Variants in AFG2A observed in about 807,000 individuals in gnomAD.
The protein encoded by AFG2A is ATPase family gene 2 protein homolog A.
chr4:123,178,512 A>G, the AFG2A span, among the ~76,000 whole-genome samples: 3 of 152,310 alleles, frequency 2.0e-5, no homozygotes, highest in African/African-American at 7.2e-5. Context: ...CATGTTATGA[A>G]ATCTGTATAT....
chr4:123,132,652 T>C, the AFG2A span, among the ~76,000 whole-genome samples: 2 of 146,138 alleles, frequency 1.4e-5, no homozygotes, highest in African/African-American at 4.9e-5. Context: ...ACACATCACA[T>C]TTTCTTTATT....
the AFG2A span, among the ~76,000 whole-genome samples, chr4:123,181,263 T>C: frequency 3.0e-4 from 46 of 151,544 alleles, no homozygotes; most frequent in Admixed American, 2.5e-3. Flanking sequence ...GGATTACAGG[T>C]GTGAGCCACT....
At chr4:123,206,366 G>A in the AFG2A span, among the ~76,000 whole-genome samples, 2,262 of 152,074 alleles carry the variant, frequency 0.015, 50 homozygotes, top group South Asian at 0.1. Flanking sequence ...TGTTAACCAC[G>A]GAGACTCTGT....
At chr4:123,094,802 G>T in the AFG2A span, among the ~76,000 whole-genome samples, 1 of 151,580 alleles carries the variant, frequency 6.6e-6, no homozygotes, top group Non-Finnish European at 1.5e-5. Context: ...AGTCTACCAC[G>T]AACAGTTTTC....
At chr4:123,242,810 G>A in the AFG2A span, among the ~76,000 whole-genome samples, 4 of 152,082 alleles carry the variant, frequency 2.6e-5, no homozygotes, top group African/African-American at 9.7e-5. Flanking sequence ...GAGTGAATAG[G>A]CAACCTACAG....
At chr4:123,003,838 C>G in the AFG2A span, among the ~76,000 whole-genome samples, 2 of 152,164 alleles carry the variant, frequency 1.3e-5, no homozygotes, top group African/African-American at 4.8e-5. Context: ...GTCCTGAAAG[C>G]TGTCAGACAG....
the AFG2A span, among the ~76,000 whole-genome samples, chr4:123,066,043 C>A: frequency 6.6e-6 from 1 of 152,122 alleles, no homozygotes; most frequent in East Asian, 1.9e-4. Flanking sequence ...ATATTAATAA[C>A]TGCTTCTCCT....
chr4:122,973,989 A>G, the AFG2A span, among the ~76,000 whole-genome samples: 9 of 151,882 alleles, frequency 5.9e-5, no homozygotes, highest in African/African-American at 7.3e-5. Flanking sequence ...GTACTTTACT[A>G]TTTTTTAACT....
At chr4:123,080,066 T>C in the AFG2A span, among the ~76,000 whole-genome samples, 1 of 152,280 alleles carries the variant, frequency 6.6e-6, no homozygotes, top group South Asian at 2.1e-4. Flanking sequence ...ACCTTCTTGA[T>C]ACACTATCCC....
At chr4:123,183,705 A>T in the AFG2A span, among the ~76,000 whole-genome samples, 6 of 152,040 alleles carry the variant, frequency 3.9e-5, no homozygotes, top group Admixed American at 2.6e-4. Flanking sequence ...AGAGTATAAA[A>T]TTTTTTTATG....
At chr4:123,263,189 G>A in the AFG2A span, among the ~76,000 whole-genome samples, 1 of 152,162 alleles carries the variant, frequency 6.6e-6, no homozygotes, top group Non-Finnish European at 1.5e-5. Flanking sequence ...TGTGGCATTT[G>A]TGTCCAAAGC....
chr4:123,172,286 A>G, the AFG2A span, among the ~76,000 whole-genome samples: 1 of 152,240 alleles, frequency 6.6e-6, no homozygotes. Flanking sequence ...TTATAGCCCT[A>G]TGGGGCAGCA....
At chr4:123,236,734 A>G in the AFG2A span, among the ~76,000 whole-genome samples, 2 of 152,186 alleles carry the variant, frequency 1.3e-5, no homozygotes, top group African/African-American at 4.8e-5. Context: ...CATATCTCTC[A>G]AAGTCTAGTC....
At chr4:123,061,000 A>G in the AFG2A span, among the ~76,000 whole-genome samples, 2 of 152,208 alleles carry the variant, frequency 1.3e-5, no homozygotes, top group Non-Finnish European at 2.9e-5. Context: ...GTATAGCAAG[A>G]GTAACATTTA....
At chr4:122,933,563 C>T in the AFG2A span, 1 of 1,265,028 alleles carries the variant, frequency 7.9e-7, no homozygotes, top group Non-Finnish European at 1.1e-6. Flanking sequence ...AATAAAGTGT[C>T]TTTGAGGGCT....
the AFG2A span, among the ~76,000 whole-genome samples, chr4:123,069,356 G>A: frequency 6.6e-6 from 1 of 152,130 alleles, no homozygotes; most frequent in African/African-American, 2.4e-5. Context: ...TAAGTCAGTA[G>A]GTTCCAAATC....
At chr4:123,033,885 TG>T in the AFG2A span, among the ~76,000 whole-genome samples, 1 of 152,202 alleles carries the variant, frequency 6.6e-6, no homozygotes, top group South Asian at 2.1e-4. Flanking sequence ...AAAAAGTTTT[TG>T]GGGGGCATAA....
At chr4:122,997,618 G>A in the AFG2A span, among the ~76,000 whole-genome samples, 11 of 152,152 alleles carry the variant, frequency 7.2e-5, no homozygotes, top group Middle Eastern at 3.4e-3. Context: ...ACAAGTTTTC[G>A]TGTGAATACT....
chr4:123,031,365 C>T, the AFG2A span, among the ~76,000 whole-genome samples: 7 of 152,142 alleles, frequency 4.6e-5, no homozygotes, highest in African/African-American at 1.7e-4. Flanking sequence ...GTTGCCCAGG[C>T]TGGTCTCGAA....
Sources: gnomAD v4.1 joint callset for allele counts (sites outside exome capture counted in the v4.1 genomes callset) on GRCh38, gnomAD v4.1.1 for gene constraint, MANE v1.5 for transcripts, NCBI Gene and HGNC (gene_info 2026-07-23, HGNC 2026-07-21) for gene names.